The following GRIPAP1 variants were observed in gnomAD, a reference collection of about 807,000 sequenced individuals.
GRIPAP1 encodes GRIP1-associated protein 1.
Under a neutral mutation model 84.1 loss-of-function variants are expected in GRIPAP1, and 14 were observed. That is an observed-to-expected ratio of 0.17 (90% confidence interval 0.11 to 0.26). The LOEUF (loss-of-function observed/expected upper bound fraction) is 0.26, where lower values mean the gene tolerates loss of function less well. Ranked by LOEUF, GRIPAP1 falls within the 10% of genes least tolerant of loss-of-function variation. The pLI, the probability that GRIPAP1 is intolerant of heterozygous loss-of-function variation, is 1.00. For synonymous variants in GRIPAP1, 261 were observed against 256.8 expected, an observed-to-expected ratio of 1.02 and a Z score of -0.15; for missense variants, 518 against 674.2, an observed-to-expected ratio of 0.77 and a Z score of 2.57.
In GRIPAP1 at chrX:48,988,161, C is replaced by A. The variant is rs201552228; in HGVS notation, c.908G>T (p.Arg303Leu). ...AELRDQRQGE[R>L]LEHAAALRAL... ...CCGCAAAGCTGCTGCATGTTCCAGGCGCTCCCCCTGCCGCTGATCTCTCAG... is the reference window on the plus strand; with the variant it reads ...CCGCAAAGCTGCTGCATGTTCCAGGAGCTCCCCCTGCCGCTGATCTCTCAG... Residue 303 changes from arginine (R) to leucine (L), a missense_variant, in exon 12 of 26, where the codon CGC (arginine) becomes CTC (leucine). By Grantham distance (102) the Arg-to-Leu change is moderately radical. This residue lies in a region of GRIPAP1 where 372 missense variants were observed against 458.1 expected (regional missense o/e 0.81). Coordinates refer to ENST00000376423, the MANE Select transcript of GRIPAP1 (RefSeq NM_020137.5). 2 of 1,199,655 alleles carry A rather than the reference C, an allele frequency of 1.7e-6. No individual in the cohort carries two copies. The highest frequency in any genetic ancestry group is 3.6e-5 in the South Asian group (2 of 55,231).
chrX:48,997,999 G>A, intron 4 of GRIPAP1, 155 bp downstream of exon 4: 1 of 521,451 alleles, frequency 1.9e-6, no homozygotes, highest in Non-Finnish European at 3.5e-6. Context: ...CAAATACAGG[G>A]AAACAAGGAC....
intron 11 of GRIPAP1, 28 bp from the exon 12 acceptor site, chrX:48,988,226 C>A: frequency 9.3e-7 from 1 of 1,074,820 alleles, no homozygotes; most frequent in Non-Finnish European, 1.3e-6. Context: ...GCCCATTTTA[C>A]ACCTCAGCCT....
Position 48,990,958 on chromosome X carries a change from T to G in GRIPAP1, c.610A>C (p.Arg204=), listed in dbSNP as rs782726679. The G allele has an allele frequency of 2.6e-6, 3 of 1,168,937 alleles. No individual in the cohort carries two copies. The East Asian group carries it at 9.0e-5, about 35-fold the overall frequency. The change falls in exon 7 of 26, where the codon AGA becomes CGA. Residue 204 remains arginine (R), a synonymous_variant. Coordinates refer to ENST00000376423, the MANE Select transcript of GRIPAP1 (RefSeq NM_020137.5). ...CCTTGCAGCTGTTCCCAGAGCAATCTCTTCTCCTCTTTCTCCATTTCCCAT... is the reference window on the plus strand; with the variant it reads ...CCTTGCAGCTGTTCCCAGAGCAATCGCTTCTCCTCTTTCTCCATTTCCCAT... ...LKWEMEKEEK[R]LLWEQLQGLE...
chrX:48,994,969 T>G (rs2064539855), intron 5 of GRIPAP1, among the ~76,000 whole-genome samples: 1 of 112,287 alleles, frequency 8.9e-6, no homozygotes, highest in East Asian at 2.8e-4. Flanking sequence ...ATTTGTTTAC[T>G]GTTATCATCT....
In GRIPAP1 at chrX:48,990,914, A is replaced by C. The variant is rs2064516190; in HGVS notation, c.642+12T>G. On this transcript the variant is annotated intron_variant, in intron 7 of 25. Coordinates refer to ENST00000376423, the MANE Select transcript of GRIPAP1 (RefSeq NM_020137.5). ...CCTTCTGGCATTCCAGCTCCAACAGACTCAGATTCACCTCTAAGCCTTGCA... is the reference window on the plus strand; with the variant it reads ...CCTTCTGGCATTCCAGCTCCAACAGCCTCAGATTCACCTCTAAGCCTTGCA... The C allele has an allele frequency of 3.5e-6, 4 of 1,134,482 alleles. No individual in the cohort carries two copies. The highest frequency in any genetic ancestry group is 4.7e-6 in the Non-Finnish European group (4 of 847,185). 93.5% of individuals were successfully genotyped at this position (1,134,482 alleles called of 1,213,427 possible). A position where few individuals can be genotyped will look rare whatever the true frequency, so the allele number is the denominator to read the frequency against.
intron 7 of GRIPAP1, 87 bp downstream of exon 7, chrX:48,990,839 G>T: frequency 9.8e-7 from 1 of 1,022,888 alleles, no homozygotes; most frequent in Non-Finnish European, 1.4e-6. Context: ...AGATGGTGAT[G>T]TCACAGCCAT....
intron 14 of GRIPAP1, among the ~76,000 whole-genome samples, chrX:48,984,947 G>A (rs2064479114): frequency 9.4e-6 from 1 of 106,863 alleles, no homozygotes; most frequent in South Asian, 4.1e-4. Context: ...GCGAGAACAC[G>A]GGAGGCGGAG....
chrX:49,002,225 G>A lies in GRIPAP1; in HGVS notation c.5C>T (p.Ala2Val), dbSNP rs781991565. 1.7e-6 allele frequency: 2 copies of A among 1,153,691 alleles called. No individual in the cohort carries two copies. Among genetic ancestry groups the A allele is most frequent in the East Asian group, 3.1e-5 (1 of 31,969 alleles). The change falls in exon 1 of 26, where the codon GCG (alanine) becomes GTG (valine). Residue 2 changes from alanine (A) to valine (V), a missense_variant. Physicochemically the swap from Ala to Val is moderately conservative, Grantham distance 64. Around this residue, in one of 5 missense-constraint regions of GRIPAP1, gnomAD observed 372 missense variants for 458.1 expected, o/e 0.81. Transcript: ENST00000376423. The stretch of plus-strand genomic sequence containing the variant: ...AAACTCCTCCTCAGACAGAGCTTGC[G>A]CCATGTTCCTCCCCCCACCCCCCCG... M[A>V]QALSEEEFQR... is the part of the protein sequence containing the mutation.
intron 17 of GRIPAP1, among the ~76,000 whole-genome samples, chrX:48,982,436 C>T (rs1185492329): frequency 8.9e-6 from 1 of 112,776 alleles, no homozygotes; most frequent in African/African-American, 3.2e-5. Context: ...GAGTACAGTA[C>T]ACGATATCAG....
At chrX:49,000,329 C>A (rs2064570986) in intron 1 of GRIPAP1, among the ~76,000 whole-genome samples, 1 of 76,619 alleles carries the variant, frequency 1.3e-5, no homozygotes, top group Non-Finnish European at 2.3e-5. Flanking sequence ...TGTGCCACTG[C>A]ACTCCAGCCT....
chrX:48,980,598 C>T (rs1300518543), intron 21 of GRIPAP1, among the ~76,000 whole-genome samples: 2 of 109,067 alleles, frequency 1.8e-5, no homozygotes, highest in Non-Finnish European at 3.8e-5. Flanking sequence ...AAAGAAAGGG[C>T]GGGGGCCGGG....
chrX:48,975,004 A>G, intron 25 of GRIPAP1, 151 bp downstream of exon 25: 1 of 444,399 alleles, frequency 2.3e-6, no homozygotes, highest in Non-Finnish European at 3.9e-6. Context: ...AGATGAGAGC[A>G]TGATGGAGTA....
In GRIPAP1 at chrX:48,991,048, C is replaced by A; in HGVS notation, c.520G>T (p.Asp174Tyr). 1 of 1,199,670 alleles carries A rather than the reference C, an allele frequency of 8.3e-7. No homozygotes were observed. Among genetic ancestry groups the A allele is most frequent in the Non-Finnish European group, 1.1e-6 (1 of 884,785 alleles). Residue 174 changes from aspartate (D) to tyrosine (Y), a missense_variant, in exon 7 of 26, where the codon GAT becomes TAT. This residue lies in a region of GRIPAP1 where 372 missense variants were observed against 458.1 expected (regional missense o/e 0.81). Coordinates refer to ENST00000376423, the MANE Select transcript of GRIPAP1 (RefSeq NM_020137.5). ...GTGGGGGCCAGGCCCCCTGGGGGATCCCCCTGGCCCTCACTGACAGCTGAG... is the reference window on the plus strand; with the variant it reads ...GTGGGGGCCAGGCCCCCTGGGGGATACCCCTGGCCCTCACTGACAGCTGAG... Reference protein sequence around the residue: ...KFSAVSEGQGDPPGGLAPTVL... With the variant: ...KFSAVSEGQGYPPGGLAPTVL...
intron 5 of GRIPAP1, among the ~76,000 whole-genome samples, chrX:48,994,618 T>A (rs2064537718): frequency 8.9e-6 from 1 of 112,172 alleles, no homozygotes; most frequent in African/African-American, 3.2e-5. Context: ...GCTCAGATGT[T>A]GCCTTTAAAG....
chrX:49,002,237 C>A lies in GRIPAP1; in HGVS notation c.-8G>T. On this transcript the variant is annotated 5_prime_UTR_variant, in exon 1 of 26. Transcript: ENST00000376423. ...AGACAGAGCTTGCGCCATGTTCCTC[C>A]CCCCACCCCCCCGCCAGCTTTCTGC... 2 of 1,104,144 alleles carry A rather than the reference C, an allele frequency of 1.8e-6. No individual in the cohort carries two copies. Among genetic ancestry groups the A allele is most frequent in the Non-Finnish European group, 2.5e-6 (2 of 807,331 alleles). 91.0% of individuals were successfully genotyped at this position (1,104,144 alleles called of 1,213,427 possible). A position where few individuals can be genotyped will look rare whatever the true frequency, so the allele number is the denominator to read the frequency against.
At position 48,983,264 on chromosome X, in the gene GRIPAP1, C is replaced by T. The variant is rs2064467663; in HGVS notation, c.1449G>A (p.Gln483=). The change falls in exon 16 of 26, where the codon CAG becomes CAA. Residue 483 remains glutamine, a synonymous_variant. Coordinates refer to ENST00000376423, the MANE Select transcript of GRIPAP1 (RefSeq NM_020137.5). The stretch of plus-strand genomic sequence containing the variant: ...GGATCTGCCCACGGAGCTCCTCCTC[C>T]TGACGCTTCTTGTCTTCATGCAGCT... ...LRELHEDKKR[Q]EEELRGQIRE... 3.3e-6 allele frequency: 4 copies of T among 1,212,457 alleles called. No individual in the cohort carries two copies. The highest frequency in any genetic ancestry group is 4.5e-6 in the Non-Finnish European group (4 of 895,531).
chrX:48,974,461 G>A (rs992098444), intron 25 of GRIPAP1, among the ~76,000 whole-genome samples, 176 bp from the exon 26 acceptor site: 1 of 112,011 alleles, frequency 8.9e-6, no homozygotes, highest in East Asian at 2.8e-4. Flanking sequence ...CAGTGGGCAG[G>A]GCTCAGAAAA....
intron 17 of GRIPAP1, 117 bp from the exon 18 acceptor site, chrX:48,981,989 A>C (rs1557062387): frequency 6.1e-6 from 3 of 492,680 alleles, no homozygotes; most frequent in Non-Finnish European, 1.1e-5. Flanking sequence ...TCCTGCAGGG[A>C]ACCCCACACG....
At chrX:48,978,058 T>A in intron 22 of GRIPAP1, 1 of 317,670 alleles carries the variant, frequency 3.1e-6, no homozygotes, top group Non-Finnish European at 5.6e-6. Flanking sequence ...CCACATAATT[T>A]ATGGCACCAG....
Sources: gnomAD v4.1 joint callset for allele counts (sites outside exome capture counted in the v4.1 genomes callset) on GRCh38, gnomAD v4.1.1 for gene constraint, gnomAD v4.1.1 regional missense constraint, MANE v1.5 for transcripts, NCBI Gene and HGNC (gene_info 2026-07-23, HGNC 2026-07-21) for gene names.